The following CPNE8 variants were observed in gnomAD, a reference collection of about 807,000 sequenced individuals.
The protein encoded by CPNE8 is copine 8, also known as copine-8.
In CPNE8, 45 loss-of-function variants were observed where a neutral mutation model predicts 81.5. The observed-to-expected ratio is 0.55, with a 90% CI of 0.44 to 0.71. CPNE8 has a LOEUF of 0.71. CPNE8 is among the 30% of genes least tolerant of loss of function. The pLI is 0.00. For synonymous variants in CPNE8, 252 were observed against 226.3 expected, an observed-to-expected ratio of 1.11 and a Z score of -1.02; for missense variants, 594 against 672.1, an observed-to-expected ratio of 0.88 and a Z score of 1.28.
intron 5 of CPNE8, among the ~76,000 whole-genome samples, chr12:38,835,613 T>C (rs1434661389): frequency 2.6e-5 from 4 of 152,184 alleles, no homozygotes; most frequent in African/African-American, 9.7e-5. Context: ...ATTAATACTT[T>C]AGAATTTAGT....
chr12:38,771,351 G>T (rs1452852429), intron 7 of CPNE8, among the ~76,000 whole-genome samples: 4 of 148,714 alleles, frequency 2.7e-5, no homozygotes, highest in Non-Finnish European at 4.4e-5. Context: ...TATGTTCCCA[G>T]CTAGGAGGGA....
intron 10 of CPNE8, among the ~76,000 whole-genome samples, chr12:38,744,770 G>A (rs1469094855): frequency 4.1e-5 from 6 of 145,864 alleles, no homozygotes; most frequent in Non-Finnish European, 6.1e-5. Flanking sequence ...ATTTTGCAAA[G>A]ATCAAATGGA....
intron 3 of CPNE8, among the ~76,000 whole-genome samples, chr12:38,862,258 A>C (rs543768867): frequency 6.7e-6 from 1 of 148,790 alleles, no homozygotes; most frequent in East Asian, 1.9e-4. Context: ...TATACATATT[A>C]TTATATATAT....
At position 38,902,764 on chromosome 12, in the gene CPNE8, T is replaced by C. The variant is rs529814941; in HGVS notation, c.98+2673A>G. Among the ~76,000 whole-genome samples the C allele has an allele frequency of 4.6e-5, 7 of 152,368 alleles. No individual in the cohort carries two copies. In the South Asian group the frequency reaches 1.2e-3, roughly 27 times the overall value. ...AGAGAAGGACTTTTACAGAATTCCA[T>C]ACCTGAATCATATATAACACATTTA... On this transcript the variant is annotated intron_variant, in intron 1 of 19. Coordinates refer to ENST00000331366, the MANE Select transcript of CPNE8 (RefSeq NM_153634.3).
intron 3 of CPNE8, among the ~76,000 whole-genome samples, chr12:38,849,917 T>A (rs560872724): frequency 1.8e-4 from 27 of 152,294 alleles, no homozygotes; most frequent in Non-Finnish European, 4.0e-4. Flanking sequence ...ATTTTAGAGA[T>A]AAGAAAATTA....
At chr12:38,807,943 G>T (rs1028752427) in intron 6 of CPNE8, among the ~76,000 whole-genome samples, 2 of 151,778 alleles carry the variant, frequency 1.3e-5, no homozygotes, top group Non-Finnish European at 2.9e-5. Context: ...GTGGGCAAAG[G>T]ATATGAACAG....
intron 13 of CPNE8, among the ~76,000 whole-genome samples, chr12:38,721,582 G>A (rs556806776): frequency 2.9e-4 from 44 of 152,180 alleles, no homozygotes; most frequent in Non-Finnish European, 5.9e-4. Flanking sequence ...GGCTATAGGA[G>A]AAGAACTTGG....
chr12:38,711,657 C>G (rs925688077), intron 13 of CPNE8, among the ~76,000 whole-genome samples: 1 of 151,902 alleles, frequency 6.6e-6, no homozygotes, highest in Non-Finnish European at 1.5e-5. Context: ...GTAGTAGAGA[C>G]GGAGTTTCAC....
rs139734981 is a variant in CPNE8, at chr12:38,690,942, G to A, written c.1143+2715C>T. Among the ~76,000 whole-genome samples the A allele has an allele frequency of 1.0e-3, 158 of 152,158 alleles. 1 individual carries two copies. Among genetic ancestry groups the A allele is most frequent in the African/African-American group, 3.5e-3 (146 of 41,478 alleles). ...CTCATTTTTATGACACTGGGAGTGT[G>A]GCATGTGGGCTATTTCATGGAAGAA... On this transcript the variant is annotated intron_variant, in intron 15 of 19. Coordinates refer to ENST00000331366, the MANE Select transcript of CPNE8 (RefSeq NM_153634.3).
Position 38,717,429 on chromosome 12 carries a change from G to GTGTATATATGTATATATATA in CPNE8, c.914+6342_914+6343insTATATATATACATATATACA, listed in dbSNP as rs770984926. ...AACAAGTAAACAAAGAAAGTGTGGTGTATATATATATATATATATATATAT... is the reference window on the plus strand; with the variant it reads ...AACAAGTAAACAAAGAAAGTGTGGTGTGTATATATGTATATATATATATATATATATATATATATATATAT... On this transcript the variant is annotated intron_variant, in intron 13 of 19. Transcript: ENST00000331366. Among the ~76,000 whole-genome samples the GTGTATATATGTATATATATA allele has an allele frequency of 9.2e-5, 8 of 87,030 alleles. 1 individual carries two copies. Among genetic ancestry groups the GTGTATATATGTATATATATA allele is most frequent in the African/African-American group, 3.7e-4 (8 of 21,660 alleles). The allele number at this position is 87,030 out of a possible 152,430, so 57.1% of individuals were successfully genotyped here.
chr12:38,899,979 A>T (rs1944435856), intron 1 of CPNE8, among the ~76,000 whole-genome samples: 1 of 152,214 alleles, frequency 6.6e-6, no homozygotes, highest in Non-Finnish European at 1.5e-5. Flanking sequence ...AAAAAAACAG[A>T]TGACAGTAAC....
chr12:38,873,793 A>G (rs538803383), intron 2 of CPNE8, among the ~76,000 whole-genome samples: 1 of 152,316 alleles, frequency 6.6e-6, no homozygotes, highest in East Asian at 1.9e-4. Context: ...TGATTTATAC[A>G]GTTCATTCTG....
chr12:38,870,639 T>A (rs989331963), intron 3 of CPNE8, among the ~76,000 whole-genome samples: 1 of 151,994 alleles, frequency 6.6e-6, no homozygotes, highest in Non-Finnish European at 1.5e-5. Context: ...CCGGGGCCTG[T>A]CGGCGGGTGG....
chr12:38,706,057 C>T (rs1361655300), intron 13 of CPNE8, among the ~76,000 whole-genome samples: 1 of 152,036 alleles, frequency 6.6e-6, no homozygotes, highest in Admixed American at 6.6e-5. Context: ...AATCTATGCT[C>T]ACAAAACTTA....
chr12:38,722,226 C>G (rs935191790), intron 13 of CPNE8, among the ~76,000 whole-genome samples: 1 of 152,144 alleles, frequency 6.6e-6, no homozygotes, highest in African/African-American at 2.4e-5. Context: ...TTCCTATCTT[C>G]TGAAAATAAA....
At chr12:38,676,985 CAAAT>C (rs1006029052) in intron 17 of CPNE8, among the ~76,000 whole-genome samples, 1 of 69,372 alleles carries the variant, frequency 1.4e-5, no homozygotes, top group African/African-American at 2.8e-5. Flanking sequence ...AGTAAACAAT[CAAAT>C]AACCCTAAAA....
Position 38,839,929 on chromosome 12 carries a change from T to A in CPNE8, c.317A>T (p.Asn106Ile). The A allele has an allele frequency of 6.3e-7, 1 of 1,581,362 alleles. No individual in the cohort carries two copies. Among genetic ancestry groups the A allele is most frequent in the South Asian group, 1.1e-5 (1 of 87,928 alleles). The change falls in exon 5 of 20, where the codon AAC (asparagine) becomes ATC (isoleucine). Residue 106 changes from asparagine to isoleucine, a missense_variant. Asn to Ile is a moderately radical substitution (Grantham distance 149, BLOSUM62 -3). Coordinates refer to ENST00000331366, the MANE Select transcript of CPNE8 (RefSeq NM_153634.3). ...ATATGAACTTACATGTTTGGATAAGTTGGGGCTCTTTGAATCAACATCATA... is the reference window on the plus strand; with the variant it reads ...ATATGAACTTACATGTTTGGATAAGATGGGGCTCTTTGAATCAACATCATA... ...DLYDVDSKSP[N>I]LSKHDFLGQV...
intron 18 of CPNE8, among the ~76,000 whole-genome samples, chr12:38,674,190 T>G (rs893700464): frequency 3.3e-5 from 5 of 152,122 alleles, no homozygotes; most frequent in African/African-American, 7.2e-5. Context: ...AAAACGGCTG[T>G]GCCTGCTGCT....
chr12:38,691,462 A>G (rs1189233021), intron 15 of CPNE8, among the ~76,000 whole-genome samples: 6 of 152,228 alleles, frequency 3.9e-5, no homozygotes, highest in Non-Finnish European at 7.3e-5. Flanking sequence ...GTCAAATACT[A>G]TTTCACTGAA....
Sources: gnomAD v4.1 joint callset for allele counts (sites outside exome capture counted in the v4.1 genomes callset) on GRCh38, gnomAD v4.1.1 for gene constraint, MANE v1.5 for transcripts, NCBI Gene and HGNC (gene_info 2026-07-23, HGNC 2026-07-21) for gene names.